Variants in RBMS1 observed in about 807,000 individuals in gnomAD.
The protein encoded by RBMS1 is RNA binding motif single stranded interacting protein 1.
Under a neutral mutation model 62.3 loss-of-function variants are expected in RBMS1, and 17 were observed. The ratio of observed to expected loss-of-function variants is 0.27; its 90% CI spans 0.19 to 0.41. The LOEUF is 0.41. Among genes scored for constraint, RBMS1 ranks in the 10% least tolerant of loss-of-function variants. The probability of loss-of-function intolerance (pLI) is 1.00; values close to 1 mark genes in which losing one functional copy is unlikely to be tolerated. For synonymous variants in RBMS1, 172 were observed against 170.0 expected, an observed-to-expected ratio of 1.01 and a Z score of -0.09; for missense variants, 334 against 504.5, an observed-to-expected ratio of 0.66 and a Z score of 3.24.
intron 6 of RBMS1, among the ~76,000 whole-genome samples, chr2:160,298,200 G>T (rs559704966): frequency 2.6e-5 from 4 of 152,282 alleles, no homozygotes; most frequent in Admixed American, 2.6e-4. Context: ...GCACAGGGGA[G>T]GTAGGGGAGT....
intron 6 of RBMS1, among the ~76,000 whole-genome samples, chr2:160,293,126 G>T (rs1189826688): frequency 6.6e-6 from 1 of 152,108 alleles, no homozygotes; most frequent in Non-Finnish European, 1.5e-5. Context: ...TATTTCTTTT[G>T]TCCTAGAGCT....
chr2:160,354,504 T>C (rs890177829), intron 2 of RBMS1, among the ~76,000 whole-genome samples: 1 of 152,106 alleles, frequency 6.6e-6, no homozygotes, highest in Non-Finnish European at 1.5e-5. Context: ...ATGAAACACT[T>C]TGGAAGCCCA....
chr2:160,406,511 G>C (rs746184311), intron 1 of RBMS1, among the ~76,000 whole-genome samples: 1 of 152,206 alleles, frequency 6.6e-6, no homozygotes, highest in Non-Finnish European at 1.5e-5. Context: ...GCAGACAAGA[G>C]ATTTATTATG....
chr2:160,341,625 A>C (rs544801233), intron 2 of RBMS1, among the ~76,000 whole-genome samples: 19 of 152,320 alleles, frequency 1.2e-4, no homozygotes, highest in Admixed American at 3.9e-4. Flanking sequence ...TTAATTAGAC[A>C]GTATCTCAAG....
intron 1 of RBMS1, among the ~76,000 whole-genome samples, chr2:160,385,819 C>CTCTA (rs936668950): frequency 9.8e-5 from 15 of 152,296 alleles, no homozygotes; most frequent in Middle Eastern, 3.4e-3. Context: ...GATACTCTTC[C>CTCTA]TCTATCTATG....
intron 1 of RBMS1, among the ~76,000 whole-genome samples, chr2:160,457,620 A>G (rs1185654874): frequency 6.6e-6 from 1 of 152,264 alleles, no homozygotes; most frequent in African/African-American, 2.4e-5. Context: ...CTGTATGGCA[A>G]GTATTGGATA....
intron 1 of RBMS1, among the ~76,000 whole-genome samples, chr2:160,367,953 C>T (rs1395518469): frequency 6.6e-6 from 1 of 152,128 alleles, no homozygotes; most frequent in Non-Finnish European, 1.5e-5. Context: ...GGCTGCCTTT[C>T]GCTCTGGCTA....
intron 1 of RBMS1, chr2:160,367,652 C>G: frequency 2.5e-6 from 1 of 401,110 alleles, no homozygotes. Context: ...TTAATTTATT[C>G]ACACATTTTT....
intron 1 of RBMS1, among the ~76,000 whole-genome samples, chr2:160,448,730 G>A (rs1432599735): frequency 1.3e-4 from 20 of 152,224 alleles, no homozygotes; most frequent in Admixed American, 1.3e-3. Context: ...TCTGGGAAGT[G>A]AGGAGCGTCT....
In RBMS1 at chr2:160,477,039, T is replaced by C. The variant is rs116681538; in HGVS notation, c.75+16250A>G. The stretch of plus-strand genomic sequence containing the variant: ...CTTTTTCCCCTAGCATTAAATGTTA[T>C]ACAGCATAGTCTAAATGAAATGTCA... On this transcript the variant is annotated intron_variant, in intron 1 of 13. Coordinates refer to ENST00000348849, the MANE Select transcript of RBMS1 (RefSeq NM_016836.4). Among the ~76,000 whole-genome samples the C allele has an allele frequency of 1.8e-3, 272 of 152,386 alleles. 1 individual carries two copies. Among genetic ancestry groups the C allele is most frequent in the African/African-American group, 6.2e-3 (257 of 41,594 alleles).
chr2:160,333,318 GA>G (rs1370916421), intron 2 of RBMS1, among the ~76,000 whole-genome samples: 1 of 152,288 alleles, frequency 6.6e-6, no homozygotes, highest in East Asian at 1.9e-4. Context: ...TTGTAGAATG[GA>G]GGTACAATAA....
At chr2:160,382,983 G>C (rs1694355897) in intron 1 of RBMS1, among the ~76,000 whole-genome samples, 1 of 152,042 alleles carries the variant, frequency 6.6e-6, no homozygotes, top group Non-Finnish European at 1.5e-5. Flanking sequence ...GATTTATACA[G>C]TAACTACAAC....
intron 2 of RBMS1, among the ~76,000 whole-genome samples, chr2:160,361,211 C>T (rs991519860): frequency 5.3e-5 from 8 of 152,208 alleles, no homozygotes; most frequent in African/African-American, 1.9e-4. Context: ...GTTACTGCTA[C>T]ACTGAGTTAT....
chr2:160,484,622 G>A (rs1403768824), intron 1 of RBMS1, among the ~76,000 whole-genome samples: 2 of 151,720 alleles, frequency 1.3e-5, no homozygotes, highest in Non-Finnish European at 2.9e-5. Context: ...TGTAATCCCA[G>A]CACTTTGGGA....
intron 1 of RBMS1, among the ~76,000 whole-genome samples, chr2:160,409,448 C>T (rs982588672): frequency 2.0e-5 from 3 of 152,188 alleles, no homozygotes; most frequent in African/African-American, 7.2e-5. Context: ...TCTGGTGGAA[C>T]TATTTTCTGC....
chr2:160,427,330 C>T (rs935730991), intron 1 of RBMS1, among the ~76,000 whole-genome samples: 3 of 151,946 alleles, frequency 2.0e-5, no homozygotes, highest in Non-Finnish European at 4.4e-5. Context: ...CATATATATA[C>T]CTACAACTAA....
intron 2 of RBMS1, among the ~76,000 whole-genome samples, chr2:160,348,602 A>AATGACTATC (rs1186633957): frequency 6.6e-6 from 1 of 152,130 alleles, no homozygotes; most frequent in African/African-American, 2.4e-5. Context: ...GAGCTTGTCT[A>AATGACTATC]ATGACTATCA....
chr2:160,485,488 T>A (rs937489436), intron 1 of RBMS1, among the ~76,000 whole-genome samples: 2 of 152,218 alleles, frequency 1.3e-5, no homozygotes, highest in Non-Finnish European at 2.9e-5. Context: ...ATAAAGTGGG[T>A]TACTTTTACA....
chr2:160,489,723 G>A (rs1014838352), intron 1 of RBMS1, among the ~76,000 whole-genome samples: 2 of 151,934 alleles, frequency 1.3e-5, no homozygotes, highest in African/African-American at 4.8e-5. Flanking sequence ...CGTATCTTTC[G>A]TATAGACATT....
Sources: gnomAD v4.1 joint callset for allele counts (sites outside exome capture counted in the v4.1 genomes callset) on GRCh38, gnomAD v4.1.1 for gene constraint, MANE v1.5 for transcripts, NCBI Gene and HGNC (gene_info 2026-07-23, HGNC 2026-07-21) for gene names.